Variants in PLXDC2 observed in about 807,000 individuals in gnomAD.
PLXDC2 encodes plexin domain containing 2, also known as plexin domain-containing protein 2.
A neutral mutation model predicts 68.9 loss-of-function variants in PLXDC2; 40 were observed. The observed-to-expected ratio is 0.58, with a 90% CI of 0.45 to 0.76. The LOEUF is 0.76. PLXDC2 is among the 30% of genes least tolerant of loss of function. PLXDC2 has a pLI of 0.00. For synonymous variants in PLXDC2, 243 were observed against 234.2 expected (o/e 1.04, Z -0.34); for missense variants, 644 against 661.9 (o/e 0.97, Z 0.30).
intron 4 of PLXDC2, among the ~76,000 whole-genome samples, chr10:20,071,736 A>G (rs888560497): frequency 3.9e-5 from 6 of 152,198 alleles, no homozygotes; most frequent in African/African-American, 1.2e-4. Context: ...GGCTGACTGC[A>G]GGTGCTGAAA....
intron 1 of PLXDC2, among the ~76,000 whole-genome samples, chr10:19,894,863 G>A (rs537503278): frequency 1.8e-3 from 268 of 152,336 alleles, no homozygotes; most frequent in African/African-American, 6.2e-3. Context: ...GTGGAAGATA[G>A]TGTGGCGATT....
chr10:20,218,135 T>G (rs1835164280), intron 11 of PLXDC2, among the ~76,000 whole-genome samples: 1 of 151,988 alleles, frequency 6.6e-6, no homozygotes. Context: ...TACTAGAGAG[T>G]GTTAATGCTT....
intron 1 of PLXDC2, among the ~76,000 whole-genome samples, chr10:19,825,524 G>A (rs376667083): frequency 1.3e-5 from 2 of 152,068 alleles, no homozygotes; most frequent in South Asian, 2.1e-4. Context: ...TTGAACATTC[G>A]ATAATGTTTT....
chr10:20,257,623 A>T (rs1158572804), intron 13 of PLXDC2, among the ~76,000 whole-genome samples: 1 of 152,184 alleles, frequency 6.6e-6, no homozygotes, highest in Non-Finnish European at 1.5e-5. Flanking sequence ...GCTCAGGTTT[A>T]CCTTTAGTGG....
At position 20,073,543 on chromosome 10, in the gene PLXDC2, C is replaced by T. The variant is rs373213893; in HGVS notation, c.541+5304C>T. Among the ~76,000 whole-genome samples the T allele has an allele frequency of 3.9e-5, 6 of 152,172 alleles. No individual in the cohort carries two copies. In the South Asian group the frequency reaches 1.2e-3, roughly 32 times the overall value. ...TAAACTATAAAAATAGAATCTTTGC[C>T]TATTAAGCATTTTAATATTCAAAAG... On this transcript the variant is annotated intron_variant, in intron 4 of 13. Coordinates refer to ENST00000377252, the MANE Select transcript of PLXDC2 (RefSeq NM_032812.9).
chr10:19,908,597 C>T (rs114607407), intron 1 of PLXDC2, among the ~76,000 whole-genome samples: 3 of 151,920 alleles, frequency 2.0e-5, no homozygotes, highest in Admixed American at 6.6e-5. Flanking sequence ...AAGATTCTGA[C>T]GAGTCAAAGG....
At chr10:20,057,725 T>C (rs1282236103) in intron 3 of PLXDC2, among the ~76,000 whole-genome samples, 1 of 152,024 alleles carries the variant, frequency 6.6e-6, no homozygotes, top group African/African-American at 2.4e-5. Flanking sequence ...AAATGCCAAG[T>C]AAGGTTCAAG....
intron 2 of PLXDC2, among the ~76,000 whole-genome samples, chr10:20,024,404 C>G (rs1024566784): frequency 6.6e-6 from 1 of 152,086 alleles, no homozygotes; most frequent in African/African-American, 2.4e-5. Flanking sequence ...TTTGTTCATG[C>G]CTGTTCTTAC....
chr10:19,958,214 C>T (rs1168124067), intron 1 of PLXDC2, among the ~76,000 whole-genome samples: 3 of 152,026 alleles, frequency 2.0e-5, no homozygotes, highest in Non-Finnish European at 4.4e-5. Flanking sequence ...AGGGCAAAAT[C>T]AAGCCTGATT....
At chr10:19,890,472 G>C (rs1837935188) in intron 1 of PLXDC2, among the ~76,000 whole-genome samples, 3 of 150,866 alleles carry the variant, frequency 2.0e-5, no homozygotes. Flanking sequence ...CTGATGTTTA[G>C]CTCCTATTTA....
rs114246704 is a variant in PLXDC2 at position 19,840,433 on chromosome 10, A to C, written c.112+23242A>C. On this transcript the variant is annotated intron_variant, in intron 1 of 13. Transcript: ENST00000377252. ...CCCAGGAAGTTTATATTATTTTTGA[A>C]GGTCATAACCATAGTTGTGGTGGCA... Among the ~76,000 whole-genome samples the C allele has an allele frequency of 6.2e-3, 945 of 152,276 alleles. 8 individuals are homozygous for C. The highest frequency in any genetic ancestry group is 0.03 in the South Asian group (147 of 4,832).
intron 1 of PLXDC2, among the ~76,000 whole-genome samples, chr10:19,860,912 G>A (rs1019747063): frequency 3.3e-5 from 5 of 151,862 alleles, no homozygotes; most frequent in African/African-American, 1.2e-4. Context: ...GTCAAGGTCT[G>A]GTAATTTTAC....
chr10:19,918,009 T>C (rs533426922), intron 1 of PLXDC2, among the ~76,000 whole-genome samples: 28 of 152,218 alleles, frequency 1.8e-4, no homozygotes, highest in Non-Finnish European at 3.5e-4. Context: ...GGAATATTTT[T>C]ACCCTTTCTA....
intron 1 of PLXDC2, among the ~76,000 whole-genome samples, chr10:19,944,572 C>A (rs1260997415): frequency 6.6e-6 from 1 of 152,140 alleles, no homozygotes; most frequent in African/African-American, 2.4e-5. Context: ...GTTTCAGAAA[C>A]TCCAGGGCTA....
intron 1 of PLXDC2, among the ~76,000 whole-genome samples, chr10:19,854,636 G>C (rs1374197768): frequency 6.6e-6 from 1 of 152,080 alleles, no homozygotes; most frequent in African/African-American, 2.4e-5. Context: ...TATTTTATTT[G>C]GCAAGCGAAG....
intron 13 of PLXDC2, among the ~76,000 whole-genome samples, chr10:20,270,780 C>G (rs921204955): frequency 1.3e-5 from 2 of 151,828 alleles, no homozygotes; most frequent in African/African-American, 2.4e-5. Context: ...CCTCAGCCTC[C>G]CAAAGTGCTG....
intron 4 of PLXDC2, among the ~76,000 whole-genome samples, chr10:20,083,365 T>C (rs1361386029): frequency 4.6e-5 from 7 of 151,460 alleles, no homozygotes; most frequent in African/African-American, 1.5e-4. Context: ...TAGTCCCAGC[T>C]ACTCGGGAAG....
At chr10:20,237,194 A>T (rs2778984) in intron 12 of PLXDC2, among the ~76,000 whole-genome samples, 1 of 151,870 alleles carries the variant, frequency 6.6e-6, no homozygotes, top group Non-Finnish European at 1.5e-5. Flanking sequence ...ATATCTTTTC[A>T]CAGTGATTAC....
chr10:19,916,849 T>C (rs1833376668), intron 1 of PLXDC2, among the ~76,000 whole-genome samples: 1 of 152,236 alleles, frequency 6.6e-6, no homozygotes, highest in Admixed American at 6.5e-5. Flanking sequence ...CATCCAGGTA[T>C]ACTCATGATT....
Sources: allele counts gnomAD v4.1 joint callset (sites outside exome capture counted in the v4.1 genomes callset), GRCh38; gene constraint gnomAD v4.1.1; transcripts MANE v1.5; gene names NCBI Gene and HGNC (gene_info 2026-07-23, HGNC 2026-07-21).